The following DLG2 variants were observed in gnomAD, a reference collection of about 807,000 sequenced individuals.
DLG2 encodes disks large homolog 2.
Under a neutral mutation model 132.5 loss-of-function variants are expected in DLG2, and 45 were observed. The ratio of observed to expected loss-of-function variants is 0.34; its 90% CI spans 0.27 to 0.44. DLG2 has a LOEUF of 0.44. Among genes scored for constraint, DLG2 ranks in the 20% least tolerant of loss-of-function variants. The probability of loss-of-function intolerance (pLI) is 1.00; values close to 1 mark genes in which losing one functional copy is unlikely to be tolerated. For missense variants in DLG2, 1,045 were observed against 1,196.9 expected (o/e 0.87, Z 1.87); for synonymous variants, 424 against 419.6 (o/e 1.01, Z -0.13).
At chr11:84,771,086 G>A (rs1008911303) in intron 6 of DLG2, among the ~76,000 whole-genome samples, 1 of 152,126 alleles carries the variant, frequency 6.6e-6, no homozygotes, top group Non-Finnish European at 1.5e-5. Flanking sequence ...TAAACGTGTG[G>A]TATGTGTCTT....
chr11:85,475,654 A>C (rs2093118892), intron 3 of DLG2, among the ~76,000 whole-genome samples: 1 of 152,160 alleles, frequency 6.6e-6, no homozygotes, highest in Admixed American at 6.5e-5. Flanking sequence ...CATAGTTCAA[A>C]GTTCTGCATC....
chr11:83,580,898 C>A, intron 19 of DLG2, among the ~76,000 whole-genome samples: 1 of 74,314 alleles, frequency 1.3e-5, no homozygotes, highest in Admixed American at 1.2e-4. Flanking sequence ...CCCCTCCCTT[C>A]CCCTCCCCTC....
At chr11:85,152,310 A>G (rs192310660) in intron 5 of DLG2, among the ~76,000 whole-genome samples, 11 of 150,586 alleles carry the variant, frequency 7.3e-5, no homozygotes, top group Admixed American at 1.3e-4. Context: ...GCGCTATCTC[A>G]GCTCACTACA....
At chr11:84,965,858 G>A (rs1033224731) in intron 6 of DLG2, among the ~76,000 whole-genome samples, 6 of 152,024 alleles carry the variant, frequency 3.9e-5, no homozygotes, top group Non-Finnish European at 8.8e-5. Flanking sequence ...AACATAGGAA[G>A]CTTCCTATAC....
chr11:85,042,085 GA>G (rs1006445895), intron 6 of DLG2, among the ~76,000 whole-genome samples: 4 of 151,246 alleles, frequency 2.6e-5, no homozygotes, highest in Non-Finnish European at 4.4e-5. Context: ...ATCAAAATTG[GA>G]AAAAAAATAA....
intron 19 of DLG2, among the ~76,000 whole-genome samples, chr11:83,627,338 C>G (rs1034548612): frequency 5.3e-5 from 8 of 151,942 alleles, no homozygotes; most frequent in Non-Finnish European, 2.9e-5. Context: ...AGGTATATCT[C>G]CTAATGCTAT....
intron 6 of DLG2, among the ~76,000 whole-genome samples, chr11:84,913,874 T>A (rs962893387): frequency 2.6e-5 from 4 of 152,228 alleles, no homozygotes; most frequent in Non-Finnish European, 5.9e-5. Flanking sequence ...GTGCAGTTCA[T>A]AAATTAGTCA....
At chr11:84,606,754 C>A (rs766781380) in intron 6 of DLG2, among the ~76,000 whole-genome samples, 1 of 151,922 alleles carries the variant, frequency 6.6e-6, no homozygotes, top group Admixed American at 6.6e-5. Flanking sequence ...TATGTTCTTG[C>A]TACAGAAACA....
chr11:84,611,809 C>T (rs1034755609), intron 6 of DLG2, among the ~76,000 whole-genome samples: 1 of 152,106 alleles, frequency 6.6e-6, no homozygotes, highest in African/African-American at 2.4e-5. Flanking sequence ...AAGATGTTCA[C>T]TGCAATGTTG....
At chr11:84,545,910 C>G (rs923376341) in intron 6 of DLG2, 6 of 159,040 alleles carry the variant, frequency 3.8e-5, no homozygotes, top group South Asian at 3.6e-4. Flanking sequence ...TGCCCACTAC[C>G]AAGCCCATAT....
chr11:85,453,160 T>C, intron 3 of DLG2: 1 of 295,856 alleles, frequency 3.4e-6, no homozygotes, highest in Non-Finnish European at 6.6e-6. Flanking sequence ...ATTTCTCTTT[T>C]CCTTCTGATA....
intron 3 of DLG2, among the ~76,000 whole-genome samples, chr11:85,378,100 G>A (rs890988144): frequency 1.3e-5 from 2 of 151,990 alleles, no homozygotes; most frequent in African/African-American, 4.8e-5. Context: ...GTAAAAGAAA[G>A]CAGAATCAAT....
intron 6 of DLG2, among the ~76,000 whole-genome samples, chr11:84,838,089 G>T (rs753122818): frequency 6.6e-6 from 1 of 151,518 alleles, no homozygotes; most frequent in Non-Finnish European, 1.5e-5. Flanking sequence ...CTTAAAATAG[G>T]GAAATAAAAC....
chr11:84,398,642 C>A (rs1003943445), intron 7 of DLG2, among the ~76,000 whole-genome samples: 2 of 151,996 alleles, frequency 1.3e-5, no homozygotes, highest in African/African-American at 4.8e-5. Flanking sequence ...AGGTGATATC[C>A]CCAAGTATTT....
chr11:84,425,294 A>G (rs1420747189), intron 7 of DLG2, among the ~76,000 whole-genome samples: 2 of 152,122 alleles, frequency 1.3e-5, no homozygotes, highest in African/African-American at 4.8e-5. Flanking sequence ...ATTGTTCAGG[A>G]CAACTACATA....
At chr11:84,443,932 CT>C (rs1331995827) in intron 7 of DLG2, among the ~76,000 whole-genome samples, 2 of 147,794 alleles carry the variant, frequency 1.4e-5, no homozygotes, top group African/African-American at 2.6e-5. Flanking sequence ...ATTTTTTTCT[CT>C]CTTCTAAGTT....
chr11:83,816,950 A>G (rs2049130933), intron 17 of DLG2, among the ~76,000 whole-genome samples: 1 of 150,092 alleles, frequency 6.7e-6, no homozygotes, highest in Non-Finnish European at 1.5e-5. Flanking sequence ...AGTACCTAAC[A>G]TTGTGTCCTG....
intron 10 of DLG2, among the ~76,000 whole-genome samples, chr11:84,069,974 C>G (rs1240726059): frequency 6.6e-6 from 1 of 152,220 alleles, no homozygotes; most frequent in Non-Finnish European, 1.5e-5. Flanking sequence ...GTGCTGGTAC[C>G]TACCACCTGG....
intron 7 of DLG2, among the ~76,000 whole-genome samples, chr11:84,463,633 A>G (rs1362317761): frequency 6.6e-6 from 1 of 151,178 alleles, no homozygotes; most frequent in Non-Finnish European, 1.5e-5. Context: ...CCTGATTATG[A>G]TACCCAAATT....
Sources: gnomAD v4.1 joint callset for allele counts (sites outside exome capture counted in the v4.1 genomes callset) on GRCh38, gnomAD v4.1.1 for gene constraint, MANE v1.5 for transcripts, NCBI Gene and HGNC (gene_info 2026-07-23, HGNC 2026-07-21) for gene names.